Variants in FAM47E observed in about 807,000 individuals in gnomAD.
FAM47E encodes the protein family with sequence similarity 47 member E.
Under a neutral mutation model 41.6 loss-of-function variants are expected in FAM47E, and 32 were observed. The ratio of observed to expected loss-of-function variants is 0.77; its 90% CI spans 0.58 to 1.03. The LOEUF (loss-of-function observed/expected upper bound fraction) is 1.03. Among genes scored for constraint, FAM47E ranks in the 50% least tolerant of loss-of-function variants. The probability of loss-of-function intolerance (pLI) is 0.00; values close to 1 mark genes in which losing one functional copy is unlikely to be tolerated. For synonymous variants in FAM47E, 184 were observed against 188.7 expected (o/e 0.98, Z 0.20); for missense variants, 424 against 485.4 (o/e 0.87, Z 1.19).
intron 2 of FAM47E, among the ~76,000 whole-genome samples, chr4:76,237,373 G>GTTTTTT (rs766894880): frequency 7.9e-6 from 1 of 126,980 alleles, no homozygotes; most frequent in African/African-American, 3.0e-5. Context: ...TTGTTTGTTT[G>GTTTTTT]TTTGTTTTTT....
intron 2 of FAM47E, among the ~76,000 whole-genome samples, chr4:76,218,829 GGCAAAAA>G (rs1459611914): frequency 6.6e-6 from 1 of 152,024 alleles, no homozygotes; most frequent in East Asian, 1.9e-4. Context: ...AAATATAGTG[GGCAAAAA>G]GGGTGAATAT....
At chr4:76,275,744 C>T (rs1306716486) in intron 5 of FAM47E, among the ~76,000 whole-genome samples, 1 of 152,166 alleles carries the variant, frequency 6.6e-6, no homozygotes, top group Non-Finnish European at 1.5e-5. Flanking sequence ...AGTTACCCAA[C>T]AACATAACAT....
intron 4 of FAM47E, among the ~76,000 whole-genome samples, chr4:76,270,212 A>G (rs936900484): frequency 1.3e-5 from 2 of 152,128 alleles, no homozygotes; most frequent in Admixed American, 1.3e-4. Context: ...TCCCCAAGAA[A>G]TGGCAAAAGT....
intron 7 of FAM47E, 50 bp from the exon 8 acceptor site, chr4:76,283,331 G>A (rs1271589963): frequency 1.8e-6 from 2 of 1,113,942 alleles, no homozygotes; most frequent in Non-Finnish European, 1.3e-6. Context: ...GGACTGTACT[G>A]TGCAAGTTTT....
chr4:76,264,968 T>C (rs903201248), intron 3 of FAM47E, among the ~76,000 whole-genome samples: 1 of 152,200 alleles, frequency 6.6e-6, no homozygotes, highest in African/African-American at 2.4e-5. Flanking sequence ...GAGTAGCCTA[T>C]CCACAGTACC....
At chr4:76,252,051 A>G (rs1733988520) in intron 1 of FAM47E, among the ~76,000 whole-genome samples, 1 of 152,154 alleles carries the variant, frequency 6.6e-6, no homozygotes, top group Admixed American at 6.5e-5. Flanking sequence ...CCACGCCCCC[A>G]GGGATGTAGA....
chr4:76,266,159 A>G (rs1734624713), intron 3 of FAM47E, among the ~76,000 whole-genome samples: 1 of 152,118 alleles, frequency 6.6e-6, no homozygotes, highest in South Asian at 2.1e-4. Flanking sequence ...TCCCTCTTTC[A>G]TGGACCTCTC....
intron 2 of FAM47E, among the ~76,000 whole-genome samples, chr4:76,258,816 G>A (rs971520888): frequency 1.3e-5 from 2 of 152,224 alleles, no homozygotes; most frequent in Non-Finnish European, 2.9e-5. Context: ...ATGCAGGATA[G>A]TTGCATCGTG....
intron 2 of FAM47E, among the ~76,000 whole-genome samples, chr4:76,243,163 T>C (rs1578762909): frequency 6.6e-6 from 1 of 152,216 alleles, no homozygotes; most frequent in East Asian, 1.9e-4. Context: ...GCTGGCATCC[T>C]GATCTCAGAC....
At chr4:76,274,519 T>C (rs1281922492) in intron 5 of FAM47E, among the ~76,000 whole-genome samples, 2 of 152,206 alleles carry the variant, frequency 1.3e-5, no homozygotes, top group Non-Finnish European at 2.9e-5. Context: ...AGTTCAAGGC[T>C]ATAGTGAGCT....
chr4:76,270,883 C>T (rs1455351309), intron 4 of FAM47E, among the ~76,000 whole-genome samples: 1 of 152,122 alleles, frequency 6.6e-6, no homozygotes, highest in East Asian at 1.9e-4. Flanking sequence ...ACGTTAGCCT[C>T]GTTTTGCCTG....
At chr4:76,234,501 T>C (rs1031757783) in intron 2 of FAM47E, 2 of 152,090 alleles carry the variant, frequency 1.3e-5, no homozygotes, top group Non-Finnish European at 2.9e-5. Context: ...CCTGCTAGAA[T>C]GCTTCCTGCT....
chr4:76,248,575 G>A (rs142737897), upstream of FAM47E, among the ~76,000 whole-genome samples: 309 of 152,184 alleles, frequency 2.0e-3, 2 homozygotes, highest in African/African-American at 7.3e-3. Flanking sequence ...CTATTGATTT[G>A]TTATATACCA....
chr4:76,262,654 T>A (rs191359081), intron 2 of FAM47E, among the ~76,000 whole-genome samples: 1 of 152,364 alleles, frequency 6.6e-6, no homozygotes, highest in East Asian at 1.9e-4. Context: ...ACTTCATCAA[T>A]GAATGAAGAG....
At chr4:76,264,180 G>T (rs1310118148) in intron 3 of FAM47E, among the ~76,000 whole-genome samples, 1 of 152,056 alleles carries the variant, frequency 6.6e-6, no homozygotes, top group Non-Finnish European at 1.5e-5. Flanking sequence ...ATTCAAAAGT[G>T]CTCAGCATGC....
At chr4:76,276,033 GACAGACACACACACAC>G (rs150718347) in intron 5 of FAM47E, among the ~76,000 whole-genome samples, 27,478 of 78,920 alleles carry the variant, frequency 0.35, 2,608 homozygotes, top group Middle Eastern at 0.47. Context: ...CAGACAGACA[GACAGACACACACACAC>G]ACACACACAC....
intron 2 of FAM47E, chr4:76,234,454 A>C (rs1317230527): frequency 6.6e-6 from 1 of 152,266 alleles, no homozygotes; most frequent in Non-Finnish European, 1.5e-5. Flanking sequence ...GAAAAGGAAG[A>C]AAAGGAAGAA....
intron 2 of FAM47E, among the ~76,000 whole-genome samples, chr4:76,229,189 G>A: frequency 6.6e-6 from 1 of 152,142 alleles, no homozygotes; most frequent in East Asian, 1.9e-4. Context: ...TCCAGAAGTT[G>A]TGATTGTTTT....
intron 2 of FAM47E, among the ~76,000 whole-genome samples, chr4:76,237,096 C>T (rs560034941): frequency 1.3e-5 from 2 of 151,898 alleles, no homozygotes; most frequent in South Asian, 2.1e-4. Flanking sequence ...GAGGTTTCAC[C>T]GTGTTAGGCA....
Sources: allele counts gnomAD v4.1 joint callset (sites outside exome capture counted in the v4.1 genomes callset), GRCh38; gene constraint gnomAD v4.1.1; transcripts MANE v1.5; gene names NCBI Gene and HGNC (gene_info 2026-07-23, HGNC 2026-07-21).